NRIP1: variants seen among roughly 807,000 people sequenced by gnomAD.
The protein encoded by NRIP1 is nuclear receptor interacting protein 1.
In NRIP1, 28 loss-of-function variants were observed where a neutral mutation model predicts 75.0. The ratio of observed to expected loss-of-function variants is 0.37; its 90% CI spans 0.28 to 0.51. The LOEUF is 0.51. NRIP1 is among the 20% of genes least tolerant of loss of function. The pLI is 0.92. For missense variants in NRIP1, 1,435 were observed against 1,343.7 expected (o/e 1.07, Z -1.06); for synonymous variants, 526 against 487.6 (o/e 1.08, Z -1.04).
rs2087302896 is a variant in NRIP1, at chr21:14,983,458, GA to G, written c.-334-14933del. ...CAGAGGTGGCTCATACGATTTAAGG[GA>G]GAAAACAATAAAACTGCAAAGGGAA... On this transcript the variant is annotated intron_variant, in intron 3 of 3. Coordinates refer to ENST00000318948, the MANE Select transcript of NRIP1 (RefSeq NM_003489.4). Among the ~76,000 whole-genome samples the G allele has an allele frequency of 2.0e-5, 3 of 152,136 alleles. No homozygotes were observed. In the South Asian group the frequency reaches 6.2e-4, roughly 32 times the overall value.
intron 1 of NRIP1, among the ~76,000 whole-genome samples, chr21:15,044,711 AT>A (rs772716676): frequency 2.0e-5 from 3 of 152,122 alleles, no homozygotes; most frequent in Non-Finnish European, 4.4e-5. Flanking sequence ...TTTTCATTTC[AT>A]TTTACTGGGG....
chr21:15,055,286 G>T (rs189398482), intron 1 of NRIP1, among the ~76,000 whole-genome samples: 2 of 152,316 alleles, frequency 1.3e-5, no homozygotes, highest in African/African-American at 4.8e-5. Flanking sequence ...GCCTGTGAGT[G>T]TTCTGGTCAA....
intron 3 of NRIP1, among the ~76,000 whole-genome samples, chr21:14,986,004 T>A (rs2087390892): frequency 6.6e-6 from 1 of 152,150 alleles, no homozygotes; most frequent in Non-Finnish European, 1.5e-5. Context: ...AGGCTTTTTA[T>A]TTATTTATTT....
intron 3 of NRIP1, among the ~76,000 whole-genome samples, chr21:14,997,759 T>G (rs146274674): frequency 5.1e-4 from 76 of 150,094 alleles, no homozygotes; most frequent in African/African-American, 1.7e-3. Flanking sequence ...AATTTATATA[T>G]AATTTGTATA....
At chr21:14,997,418 A>T (rs911663495) in intron 3 of NRIP1, among the ~76,000 whole-genome samples, 2 of 152,096 alleles carry the variant, frequency 1.3e-5, no homozygotes, top group African/African-American at 4.8e-5. Flanking sequence ...CACATAACTG[A>T]TCATGACAAA....
intron 3 of NRIP1, among the ~76,000 whole-genome samples, chr21:14,974,728 T>G (rs1158947212): frequency 6.6e-6 from 1 of 152,210 alleles, no homozygotes; most frequent in African/African-American, 2.4e-5. Context: ...AATGAATAAC[T>G]AACTGTATGA....
chr21:15,058,238 T>C (rs909068489), intron 1 of NRIP1, among the ~76,000 whole-genome samples: 2 of 152,196 alleles, frequency 1.3e-5, no homozygotes, highest in African/African-American at 4.8e-5. Flanking sequence ...TTTTTTAACA[T>C]GTTTTTCAAA....
At chr21:15,001,667 T>C (rs1331092638) in intron 3 of NRIP1, among the ~76,000 whole-genome samples, 1 of 152,124 alleles carries the variant, frequency 6.6e-6, no homozygotes, top group Admixed American at 6.6e-5. Context: ...AAACAACACA[T>C]TTCTTAATTT....
chr21:14,981,634 A>G (rs969209514), intron 3 of NRIP1, among the ~76,000 whole-genome samples: 7 of 152,194 alleles, frequency 4.6e-5, no homozygotes, highest in African/African-American at 1.4e-4. Context: ...ATGTTTCAGA[A>G]CAACTTTTCT....
chr21:15,026,969 T>C (rs908364740), intron 2 of NRIP1, among the ~76,000 whole-genome samples: 1 of 152,168 alleles, frequency 6.6e-6, no homozygotes, highest in African/African-American at 2.4e-5. Context: ...TTACTTCACA[T>C]TGCATGCCTG....
chr21:15,009,071 A>C (rs2088041209), intron 3 of NRIP1, among the ~76,000 whole-genome samples: 1 of 152,238 alleles, frequency 6.6e-6, no homozygotes, highest in African/African-American at 2.4e-5. Flanking sequence ...GCTGCTATTA[A>C]TAGTTGAAAA....
At chr21:15,012,478 G>A (rs1343752701) in intron 3 of NRIP1, among the ~76,000 whole-genome samples, 3 of 80,574 alleles carry the variant, frequency 3.7e-5, no homozygotes, top group African/African-American at 1.0e-4. Flanking sequence ...TTTTTGAGAC[G>A]GAGTCTTTCT....
intron 2 of NRIP1, among the ~76,000 whole-genome samples, chr21:15,041,521 TATG>T (rs1240439103): frequency 6.6e-6 from 1 of 152,188 alleles, no homozygotes; most frequent in Non-Finnish European, 1.5e-5. Flanking sequence ...CCTTATGCAT[TATG>T]ATTTCTTTTC....
intron 3 of NRIP1, among the ~76,000 whole-genome samples, chr21:15,011,155 G>A (rs907587400): frequency 7.9e-5 from 12 of 152,110 alleles, no homozygotes; most frequent in African/African-American, 2.7e-4. Flanking sequence ...TATACAATTA[G>A]CCTACTTTAC....
At chr21:15,023,927 G>A (rs765244820) in intron 2 of NRIP1, among the ~76,000 whole-genome samples, 73 of 152,148 alleles carry the variant, frequency 4.8e-4, no homozygotes, top group Admixed American at 4.6e-4. Flanking sequence ...TCCAGAGAAC[G>A]GAGACATCAT....
chr21:14,965,722 C>T lies in NRIP1; in HGVS notation c.2471G>A (p.Arg824Lys). 1 of 1,613,840 alleles carries T rather than the reference C, an allele frequency of 6.2e-7. No homozygotes were observed. The highest frequency in any genetic ancestry group is 8.5e-7 in the Non-Finnish European group (1 of 1,179,952). The change falls in exon 4 of 4, where the codon AGA becomes AAA. Residue 824 changes from arginine to lysine, a missense_variant. By Grantham distance (26) the Arg-to-Lys change is conservative. Transcript: ENST00000318948. ...TGCCAGGTAACTATCTTGATTTTGT[C>T]TTAGCAATCGACTTAGCAGACCATT... Reference protein sequence around the residue: ...SKNGLLSRLLRQNQDSYLADD... With the variant: ...SKNGLLSRLLKQNQDSYLADD...
intron 3 of NRIP1, among the ~76,000 whole-genome samples, chr21:14,974,803 CCT>C (rs1034905539): frequency 3.3e-5 from 5 of 152,024 alleles, no homozygotes; most frequent in African/African-American, 7.2e-5. Context: ...CTCATTGCTC[CCT>C]GTGTTTGAGA....
At chr21:15,021,094 C>CA (rs1274764952) in intron 2 of NRIP1, among the ~76,000 whole-genome samples, 1 of 151,980 alleles carries the variant, frequency 6.6e-6, no homozygotes, top group East Asian at 1.9e-4. Context: ...TATATGTCCA[C>CA]AAAAAATCTG....
intron 3 of NRIP1, among the ~76,000 whole-genome samples, chr21:14,996,249 C>T (rs1311606211): frequency 6.6e-6 from 1 of 152,158 alleles, no homozygotes; most frequent in Non-Finnish European, 1.5e-5. Flanking sequence ...GTATTTTACA[C>T]CTACAGACTA....
Sources: gnomAD v4.1 joint callset for allele counts (sites outside exome capture counted in the v4.1 genomes callset) on GRCh38, gnomAD v4.1.1 for gene constraint, MANE v1.5 for transcripts, NCBI Gene and HGNC (gene_info 2026-07-23, HGNC 2026-07-21) for gene names.